The following XRCC4 variants were observed in gnomAD, a reference collection of about 807,000 sequenced individuals.
XRCC4 encodes the protein DNA repair protein XRCC4.
A neutral mutation model predicts 39.1 loss-of-function variants in XRCC4; 28 were observed. That is an observed-to-expected ratio of 0.72 (90% confidence interval 0.53 to 0.98). XRCC4 has a LOEUF of 0.98. Ranked by LOEUF, XRCC4 falls within the 50% of genes least tolerant of loss-of-function variation. The pLI is 0.00. For missense variants in XRCC4, 350 were observed against 376.4 expected (o/e 0.93, Z 0.58); for synonymous variants, 123 against 126.4 (o/e 0.97, Z 0.18).
At chr5:83,369,310 C>T in the XRCC4 span, among the ~76,000 whole-genome samples, 1 of 152,058 alleles carries the variant, frequency 6.6e-6, no homozygotes, top group Non-Finnish European at 1.5e-5. Context: ...AGGAATTTTG[C>T]GAGATGCTGA....
intron 7 of XRCC4, among the ~76,000 whole-genome samples, chr5:83,272,979 C>G (rs971058293): frequency 2.6e-5 from 4 of 152,126 alleles, no homozygotes; most frequent in Non-Finnish European, 5.9e-5. Flanking sequence ...ATTTCTGGTT[C>G]TAGATCCTTG....
At chr5:83,337,159 C>G (rs1756619030) in intron 7 of XRCC4, among the ~76,000 whole-genome samples, 1 of 152,086 alleles carries the variant, frequency 6.6e-6, no homozygotes, top group African/African-American at 2.4e-5. Flanking sequence ...ATACCCTTGA[C>G]AAGAGGATTT....
chr5:83,120,912 T>G (rs1746980190), intron 3 of XRCC4, among the ~76,000 whole-genome samples: 1 of 152,134 alleles, frequency 6.6e-6, no homozygotes, highest in Non-Finnish European at 1.5e-5. Flanking sequence ...CTGCCCAAAT[T>G]TTTTAGTACC....
At chr5:83,256,221 G>T (rs189479565) in intron 6 of XRCC4, among the ~76,000 whole-genome samples, 108 of 152,228 alleles carry the variant, frequency 7.1e-4, no homozygotes, top group African/African-American at 2.5e-3. Context: ...CTGATTAGAT[G>T]CTAGAAACAT....
intron 7 of XRCC4, among the ~76,000 whole-genome samples, chr5:83,308,504 C>T (rs1431625125): frequency 6.6e-6 from 1 of 152,074 alleles, no homozygotes; most frequent in African/African-American, 2.4e-5. Flanking sequence ...AATAACTTCC[C>T]AGGTTCTTAA....
chr5:83,213,220 C>A (rs1335910781), intron 6 of XRCC4, among the ~76,000 whole-genome samples: 1 of 151,888 alleles, frequency 6.6e-6, no homozygotes, highest in African/African-American at 2.4e-5. Flanking sequence ...GGTAACAGAC[C>A]TGTTTTGTGA....
chr5:83,205,011 T>C, intron 6 of XRCC4, 90 bp downstream of exon 6: 6 of 865,452 alleles, frequency 6.9e-6, no homozygotes, highest in Non-Finnish European at 1.1e-5. Context: ...AAAAATGTTG[T>C]GAAAGACCTT....
chr5:83,262,362 A>G (rs1753782882), intron 7 of XRCC4, among the ~76,000 whole-genome samples: 1 of 152,126 alleles, frequency 6.6e-6, no homozygotes, highest in African/African-American at 2.4e-5. Flanking sequence ...AAAGTTCTAA[A>G]TTGAAATATT....
chr5:83,349,136 G>T (rs1757005857), intron 7 of XRCC4, among the ~76,000 whole-genome samples: 2 of 152,132 alleles, frequency 1.3e-5, no homozygotes, highest in Non-Finnish European at 2.9e-5. Context: ...CAGTTCCAAA[G>T]TTGCTTCTAT....
intron 6 of XRCC4, among the ~76,000 whole-genome samples, chr5:83,214,510 G>T (rs184504750): frequency 4.1e-4 from 62 of 152,144 alleles, no homozygotes; most frequent in African/African-American, 1.2e-3. Flanking sequence ...GCCAGCCTGG[G>T]CAACATAGTT....
intron 7 of XRCC4, among the ~76,000 whole-genome samples, chr5:83,266,316 G>C: frequency 6.7e-6 from 1 of 149,684 alleles, no homozygotes; most frequent in South Asian, 2.1e-4. Context: ...AAATCATCTA[G>C]TATGATGTGT....
intron 1 of XRCC4, among the ~76,000 whole-genome samples, chr5:83,098,799 A>T (rs544127512): frequency 8.6e-5 from 13 of 151,626 alleles, no homozygotes; most frequent in Admixed American, 7.9e-4. Context: ...GGGTATTCTG[A>T]TAAAAAAGGA....
chr5:83,239,772 T>C (rs1002596649), intron 6 of XRCC4, among the ~76,000 whole-genome samples: 3 of 151,204 alleles, frequency 2.0e-5, no homozygotes, highest in African/African-American at 7.3e-5. Context: ...GAGCTTGCAG[T>C]GAGCCGAGAT....
Position 83,153,457 on chromosome 5 carries a change from C to T in XRCC4, c.315+42254C>T, listed in dbSNP as rs188248684. On this transcript the variant is annotated intron_variant, in intron 3 of 7. Coordinates refer to ENST00000396027, the MANE Select transcript of XRCC4 (RefSeq NM_003401.5). ...TTCCAGATACTAGAGAATATATAAT[C>T]ATTCTCCAAATGTAACAGTAAAAAA... Among the ~76,000 whole-genome samples, 373 of 152,220 alleles carry T rather than the reference C, an allele frequency of 2.5e-3. 2 individuals carry two copies. Among genetic ancestry groups the T allele is most frequent in the African/African-American group, 8.6e-3 (356 of 41,548 alleles).
intron 3 of XRCC4, among the ~76,000 whole-genome samples, chr5:83,179,343 T>C (rs900425823): frequency 6.6e-6 from 1 of 152,174 alleles, no homozygotes; most frequent in Non-Finnish European, 1.5e-5. Flanking sequence ...AGCATGTCTC[T>C]CTTTTTTAAA....
rs1746417722 is a variant in XRCC4, at chr5:83,111,053, A to G, written c.165A>G (p.Glu55=). 6.2e-7 allele frequency: 1 copy of G among 1,607,724 alleles called. No homozygotes were observed. Among genetic ancestry groups the G allele is most frequent in the East Asian group, 2.2e-5 (1 of 44,588 alleles). ...GTVSESEISQ[E]ADDMAMEKGK... is the part of the protein sequence containing the mutation. Reference sequence around the variant, plus strand: ...TTTCTGAATCAGAGATTTCCCAAGAAGCTGATGACATGGCAATGGAAAAAG... The same window carrying G: ...TTTCTGAATCAGAGATTTCCCAAGAGGCTGATGACATGGCAATGGAAAAAG... Residue 55 remains glutamate (E), a synonymous_variant, in exon 3 of 8, where the codon GAA becomes GAG. Coordinates refer to ENST00000396027, the MANE Select transcript of XRCC4 (RefSeq NM_003401.5).
intron 1 of XRCC4, among the ~76,000 whole-genome samples, chr5:83,087,414 G>A (rs1463248289): frequency 6.6e-6 from 1 of 152,124 alleles, no homozygotes; most frequent in Non-Finnish European, 1.5e-5. Context: ...TGTAATCCCA[G>A]CACTTTGGGA....
At chr5:83,129,910 C>T (rs577097495) in intron 3 of XRCC4, among the ~76,000 whole-genome samples, 81 of 152,266 alleles carry the variant, frequency 5.3e-4, no homozygotes, top group Non-Finnish European at 1.0e-3. Flanking sequence ...ATGTCATCTG[C>T]AAACAGGGAC....
intron 7 of XRCC4, among the ~76,000 whole-genome samples, chr5:83,332,891 C>T (rs928186996): frequency 1.3e-5 from 2 of 152,118 alleles, no homozygotes; most frequent in African/African-American, 4.8e-5. Flanking sequence ...TCAAGTCCTT[C>T]CTTGGCCAGT....
Sources: allele counts gnomAD v4.1 joint callset (sites outside exome capture counted in the v4.1 genomes callset), GRCh38; gene constraint gnomAD v4.1.1; transcripts MANE v1.5; gene names NCBI Gene and HGNC (gene_info 2026-07-23, HGNC 2026-07-21).